The following SLC2A5 variants were observed in gnomAD, a reference collection of about 807,000 sequenced individuals.
SLC2A5 encodes the protein solute carrier family 2, facilitated glucose transporter member 5.
In SLC2A5, 56 loss-of-function variants were observed where a neutral mutation model predicts 50.3. That is an observed-to-expected ratio of 1.11 (90% CI 0.90 to 1.39). SLC2A5 has a LOEUF of 1.39. Among genes scored for constraint, SLC2A5 ranks in the 40% most tolerant of loss-of-function variants. The probability of loss-of-function intolerance (pLI) is 0.00; values close to 1 mark genes in which losing one functional copy is unlikely to be tolerated. For missense variants in SLC2A5, 566 were observed against 650.1 expected (o/e 0.87, Z 1.41); for synonymous variants, 269 against 281.9 (o/e 0.95, Z 0.46).
At chr1:9,060,145 TACAC>T (rs1553170307) in intron 1 of SLC2A5, among the ~76,000 whole-genome samples, 4 of 134,996 alleles carry the variant, frequency 3.0e-5, no homozygotes, top group African/African-American at 8.7e-5. Context: ...ACACACTACA[TACAC>T]ACTACACACA....
intron 1 of SLC2A5, among the ~76,000 whole-genome samples, chr1:9,059,347 G>A (rs1313753118): frequency 6.6e-6 from 1 of 151,330 alleles, no homozygotes; most frequent in Non-Finnish European, 1.5e-5. Context: ...GTTTCACTGT[G>A]TTAGCCAGGA....
At chr1:9,077,490 C>T (rs1028068832) in intron 2 of SLC2A5, among the ~76,000 whole-genome samples, 3 of 150,874 alleles carry the variant, frequency 2.0e-5, no homozygotes, top group African/African-American at 4.9e-5. Context: ...CCTGTAATCC[C>T]AGCACTTTGG....
intron 1 of SLC2A5, among the ~76,000 whole-genome samples, chr1:9,068,526 A>G (rs1642142233): frequency 6.9e-6 from 1 of 145,402 alleles, no homozygotes; most frequent in Non-Finnish European, 1.5e-5. Flanking sequence ...ATCTCAGCTC[A>G]TTGCAGCCTC....
intron 2 of SLC2A5, among the ~76,000 whole-genome samples, chr1:9,075,538 C>T (rs995557732): frequency 6.6e-6 from 1 of 152,210 alleles, no homozygotes; most frequent in Non-Finnish European, 1.5e-5. Context: ...CTGGCCCAGA[C>T]AGTTGTCACT....
chr1:9,049,735 C>G (rs1266532887), intron 3 of SLC2A5, among the ~76,000 whole-genome samples: 1 of 148,716 alleles, frequency 6.7e-6, no homozygotes, highest in Non-Finnish European at 1.5e-5. Context: ...ACAAATAGAT[C>G]AATGGAACAG....
chr1:9,082,287 G>A lies in SLC2A5; in HGVS notation c.-59+2727C>T, dbSNP rs1024621334. Among the ~76,000 whole-genome samples, 5 of 152,066 alleles carry A rather than the reference G, an allele frequency of 3.3e-5. No homozygotes were observed. The East Asian group carries it at 9.6e-4, about 29-fold the overall frequency. ...AAAAGAATGAAAAACATGTACTCAA[G>A]CGAATACATGTACACATATGTTCGT... On this transcript the variant is annotated intron_variant, in intron 2 of 5. Coordinates refer to the SLC2A5 transcript ENST00000464985.
upstream of SLC2A5, among the ~76,000 whole-genome samples, chr1:9,091,097 C>T (rs75192594): frequency 2.9e-4 from 44 of 152,288 alleles, no homozygotes; most frequent in East Asian, 6.9e-3. Context: ...TTTCCTTCCT[C>T]GGATTAGTGG....
At position 9,058,288 on chromosome 1, in the gene SLC2A5, G is replaced by A. The variant is rs750544196; in HGVS notation, c.34-38C>T. The A allele has an allele frequency of 1.5e-5, 21 of 1,428,536 alleles. No individual in the cohort carries two copies. The African/African-American group carries it at 2.4e-4, about 16-fold the overall frequency. The allele number at this position is 1,428,536 out of a possible 1,614,324, so 88.5% of individuals were successfully genotyped here. ...CAGCTTAGGTCAGGAAGCAGCCCCAGGGTTCCAGGGCCCTCCCGCTTTACT... is the reference window on the plus strand; with the variant it reads ...CAGCTTAGGTCAGGAAGCAGCCCCAAGGTTCCAGGGCCCTCCCGCTTTACT... On this transcript the variant is annotated intron_variant, in intron 1 of 11. Transcript: ENST00000377424.
chr1:9,053,080 TTAATATA>T (rs1012370309), intron 3 of SLC2A5, among the ~76,000 whole-genome samples: 4 of 69,136 alleles, frequency 5.8e-5, no homozygotes, highest in South Asian at 3.2e-4. Context: ...TATTTATATA[TTAATATA>T]TAATATATAT....
rs1459311532 is a variant in SLC2A5 at position 9,037,198 on chromosome 1, GT to G, written c.*387del. ...AAGACCTGTCGGGGCCACCAAGTTA[GT>G]TTCTCTGGCAAAATTTGATTCCTTC... On this transcript the variant is annotated 3_prime_UTR_variant, in exon 12 of 12. Coordinates refer to ENST00000377424, the MANE Select transcript of SLC2A5 (RefSeq NM_003039.3). The G allele has an allele frequency of 2.8e-5, 6 of 210,574 alleles. No individual in the cohort carries two copies. The highest frequency in any genetic ancestry group is 5.8e-5 in the Non-Finnish European group (6 of 103,532). 13.0% of individuals were successfully genotyped at this position (210,574 alleles called of 1,614,324 possible).
At chr1:9,061,718 C>G (rs998804020) in intron 1 of SLC2A5, among the ~76,000 whole-genome samples, 1 of 152,166 alleles carries the variant, frequency 6.6e-6, no homozygotes, top group Non-Finnish European at 1.5e-5. Context: ...TGATGAGTGC[C>G]CTAAGGTTTG....
At chr1:9,042,004 G>A in intron 4 of SLC2A5, 67 bp from the exon 5 acceptor site, 1 of 1,480,808 alleles carries the variant, frequency 6.8e-7, no homozygotes, top group Non-Finnish European at 9.0e-7. Flanking sequence ...CTGTCTTCAA[G>A]TATACTATTC....
chr1:9,053,293 T>A (rs373921984), intron 3 of SLC2A5, among the ~76,000 whole-genome samples: 878 of 3,750 alleles, frequency 0.23, 208 homozygotes, highest in Non-Finnish European at 0.28. Context: ...TATTGTATAT[T>A]TATATTATAT....
At chr1:9,092,127 G>A (rs372123937), upstream of SLC2A5, among the ~76,000 whole-genome samples, 395 of 152,140 alleles carry the variant, frequency 2.6e-3, no homozygotes, top group Non-Finnish European at 4.0e-3. Context: ...TACATCAATC[G>A]GACAAAAGCC....
chr1:9,057,933 C>T (rs1569879291), intron 2 of SLC2A5, among the ~76,000 whole-genome samples: 1 of 152,226 alleles, frequency 6.6e-6, no homozygotes, highest in East Asian at 1.9e-4. Flanking sequence ...TCTGAGCCCC[C>T]TCCTAGAGCC....
At chr1:9,054,650 C>T (rs74587828) in intron 3 of SLC2A5, among the ~76,000 whole-genome samples, 3,506 of 152,238 alleles carry the variant, frequency 0.023, 77 homozygotes, top group Non-Finnish European at 0.03. Flanking sequence ...AGAGGCTAGG[C>T]GTAGCGGTTC....
At chr1:9,051,257 G>A (rs1216222359) in intron 3 of SLC2A5, among the ~76,000 whole-genome samples, 1 of 151,668 alleles carries the variant, frequency 6.6e-6, no homozygotes, top group Non-Finnish European at 1.5e-5. Flanking sequence ...GGAAAAGAGA[G>A]AGAGAGACAA....
At chr1:9,048,680 A>T (rs1003760944) in intron 3 of SLC2A5, among the ~76,000 whole-genome samples, 1 of 151,080 alleles carries the variant, frequency 6.6e-6, no homozygotes, top group Non-Finnish European at 1.5e-5. Flanking sequence ...CTTTTTTTTG[A>T]GACAGAGTCT....
At chr1:9,041,968 G>T in intron 4 of SLC2A5, 31 bp from the exon 5 acceptor site, 1 of 1,544,746 alleles carries the variant, frequency 6.5e-7, no homozygotes, top group South Asian at 1.2e-5. Context: ...AACACCATCA[G>T]AAAAAATTAG....
Sources: allele counts gnomAD v4.1 joint callset (sites outside exome capture counted in the v4.1 genomes callset), GRCh38; gene constraint gnomAD v4.1.1; transcripts MANE v1.5; gene names NCBI Gene and HGNC (gene_info 2026-07-23, HGNC 2026-07-21).